The following GCNT1 variants were observed in gnomAD, a reference collection of about 807,000 sequenced individuals.
GCNT1 encodes glucosaminyl (N-acetyl) transferase 1.
A neutral mutation model predicts 26.2 loss-of-function variants in GCNT1; 16 were observed. The observed-to-expected ratio is 0.61, with a 90% CI of 0.41 to 0.93. The LOEUF (loss-of-function observed/expected upper bound fraction) is 0.93. Among genes scored for constraint, GCNT1 ranks in the 40% least tolerant of loss-of-function variants. The probability of loss-of-function intolerance (pLI) is 0.00; values close to 1 mark genes in which losing one functional copy is unlikely to be tolerated. For synonymous variants in GCNT1, 183 were observed against 190.8 expected, an observed-to-expected ratio of 0.96 and a Z score of 0.34; for missense variants, 477 against 526.7, an observed-to-expected ratio of 0.91 and a Z score of 0.92.
chr9:76,444,516 C>T (rs542425252), intron 1 of GCNT1, among the ~76,000 whole-genome samples: 2 of 152,066 alleles, frequency 1.3e-5, no homozygotes, highest in East Asian at 1.9e-4. Context: ...CAAGGAGTGA[C>T]GATTTGTCTG....
upstream of GCNT1, among the ~76,000 whole-genome samples, chr9:76,419,667 A>G (rs1184942868): frequency 6.6e-6 from 1 of 151,984 alleles, no homozygotes; most frequent in African/African-American, 2.4e-5. Flanking sequence ...CAAAAAAATA[A>G]AAAAGAAAGA....
chr9:76,413,174 A>G, the GCNT1 span, among the ~76,000 whole-genome samples: 4 of 152,238 alleles, frequency 2.6e-5, no homozygotes, highest in African/African-American at 4.8e-5. Flanking sequence ...GCTGAATGAC[A>G]CATCTAAACC....
Position 76,443,977 on chromosome 9 carries a change from GGAAGGAAGGAA to G in GCNT1, c.-290+1664_-290+1674del, listed in dbSNP as rs1194015180. Among the ~76,000 whole-genome samples, 228 of 125,384 alleles carry G rather than the reference GGAAGGAAGGAA, an allele frequency of 1.8e-3. 2 individuals carry two copies. Among genetic ancestry groups the G allele is most frequent in the African/African-American group, 6.3e-3 (220 of 35,026 alleles). 82.3% of individuals were successfully genotyped at this position (125,384 alleles called of 152,430 possible). A position where few individuals can be genotyped will look rare whatever the true frequency, so the allele number is the denominator to read the frequency against. Reference sequence around the variant, plus strand: ...AGGAAGGAAGGAAGGAAGGAAGGAAGGAAGGAAGGAAGGAAGAAAAAAAGAGCCAGAAGCAT... The same window carrying G: ...AGGAAGGAAGGAAGGAAGGAAGGAAGGGAAGAAAAAAAGAGCCAGAAGCAT... On this transcript the variant is annotated intron_variant, in intron 1 of 2. Coordinates refer to the GCNT1 transcript ENST00000442371.
intron 2 of GCNT1, among the ~76,000 whole-genome samples, chr9:76,467,529 A>G (rs1824029353): frequency 6.6e-6 from 1 of 151,980 alleles, no homozygotes; most frequent in Admixed American, 6.6e-5. Flanking sequence ...CTCTATATCA[A>G]TTCCATCAAA....
chr9:76,483,033 T>C (rs545031464), intron 2 of GCNT1, among the ~76,000 whole-genome samples: 83 of 152,198 alleles, frequency 5.5e-4, no homozygotes, highest in Middle Eastern at 3.4e-3. Context: ...AAGTGAAATA[T>C]TGAAATGATA....
chr9:76,445,512 C>A (rs541974705), intron 1 of GCNT1, among the ~76,000 whole-genome samples: 1 of 151,950 alleles, frequency 6.6e-6, no homozygotes, highest in East Asian at 1.9e-4. Context: ...CTCAGCCTCC[C>A]GAGTAGCTGG....
intron 2 of GCNT1, among the ~76,000 whole-genome samples, chr9:76,467,189 C>T (rs1824016952): frequency 2.0e-5 from 3 of 152,176 alleles, no homozygotes; most frequent in Admixed American, 6.5e-5. Context: ...ACTACAGGCA[C>T]CCGCCACCGC....
chr9:76,470,742 A>G (rs1824113495), intron 2 of GCNT1, among the ~76,000 whole-genome samples: 1 of 152,184 alleles, frequency 6.6e-6, no homozygotes, highest in African/African-American at 2.4e-5. Flanking sequence ...TACCCCATAA[A>G]TATATACAAT....
chr9:76,460,685 A>G (rs1029642995), intron 2 of GCNT1, among the ~76,000 whole-genome samples: 2 of 152,210 alleles, frequency 1.3e-5, no homozygotes, highest in African/African-American at 4.8e-5. Flanking sequence ...AGTTTTGGGA[A>G]ACTGATTTCT....
the GCNT1 span, chr9:76,398,679 C>G: frequency 8.8e-7 from 1 of 1,133,310 alleles, no homozygotes; most frequent in South Asian, 1.3e-5. Flanking sequence ...CCCGTCGTAA[C>G]TTAAAGGGAA....
In GCNT1 at chr9:76,483,509, G is replaced by A. The variant is rs1323752042; in HGVS notation, c.-289-17407G>A. On this transcript the variant is annotated intron_variant, in intron 2 of 3. Coordinates refer to ENST00000376730, the MANE Select transcript of GCNT1 (RefSeq NM_001490.5). ...AGCTCACCGCAGCCTCGAACTCCTG[G>A]GCTCAAGTGATCCTCCCATCTCAGC... Among the ~76,000 whole-genome samples, 5 of 151,978 alleles carry A rather than the reference G, an allele frequency of 3.3e-5. No homozygotes were observed. The East Asian group carries it at 5.8e-4, about 18-fold the overall frequency.
At chr9:76,466,069 TGTAA>T (rs771140698) in intron 2 of GCNT1, among the ~76,000 whole-genome samples, 1 of 152,146 alleles carries the variant, frequency 6.6e-6, no homozygotes, top group Non-Finnish European at 1.5e-5. Context: ...AGCTGTTGCA[TGTAA>T]GTATTACTGC....
At chr9:76,499,451 A>G (rs573533298) in intron 2 of GCNT1, among the ~76,000 whole-genome samples, 8 of 152,272 alleles carry the variant, frequency 5.3e-5, no homozygotes, top group African/African-American at 1.4e-4. Flanking sequence ...CGCGTTGAAT[A>G]TGTCACTCAC....
chr9:76,483,306 A>G (rs1374924832), intron 2 of GCNT1, among the ~76,000 whole-genome samples: 1 of 152,146 alleles, frequency 6.6e-6, no homozygotes, highest in African/African-American at 2.4e-5. Flanking sequence ...AACTTTTTAC[A>G]GATTTCTTTA....
chr9:76,496,995 A>G (rs72747375), intron 2 of GCNT1, among the ~76,000 whole-genome samples: 12,547 of 152,150 alleles, frequency 0.082, 576 homozygotes, highest in Middle Eastern at 0.17. Flanking sequence ...GAGGCTTAGT[A>G]TGGTTTGGGA....
intron 1 of GCNT1, among the ~76,000 whole-genome samples, chr9:76,426,335 A>G (rs1461693110): frequency 6.6e-6 from 1 of 152,188 alleles, no homozygotes; most frequent in East Asian, 1.9e-4. Flanking sequence ...TGGGAGGCCA[A>G]TGTAGGAGGA....
At chr9:76,492,195 A>G (rs1030781332) in intron 2 of GCNT1, among the ~76,000 whole-genome samples, 3 of 152,080 alleles carry the variant, frequency 2.0e-5, no homozygotes, top group East Asian at 1.9e-4. Flanking sequence ...GTTCCTTCCA[A>G]TGCCCAGACT....
At chr9:76,441,942 TA>T (rs1334175597) in exon 1 of GCNT1, 1 of 152,184 alleles carries the variant, frequency 6.6e-6, no homozygotes, top group Non-Finnish European at 1.5e-5. Context: ...GTTTTGGATT[TA>T]AAAAGAAAGA....
chr9:76,413,939 GAC>G, the GCNT1 span, among the ~76,000 whole-genome samples: 1 of 151,804 alleles, frequency 6.6e-6, no homozygotes, highest in Non-Finnish European at 1.5e-5. Context: ...AGGTTCTATT[GAC>G]ACATTCTCAA....
Sources: gnomAD v4.1 joint callset for allele counts (sites outside exome capture counted in the v4.1 genomes callset) on GRCh38, gnomAD v4.1.1 for gene constraint, MANE v1.5 for transcripts, NCBI Gene and HGNC (gene_info 2026-07-23, HGNC 2026-07-21) for gene names.